Variants in HS3ST4 observed in about 807,000 individuals in gnomAD.
HS3ST4 encodes the protein heparan sulfate glucosamine 3-O-sulfotransferase 4.
A neutral mutation model predicts 29.2 loss-of-function variants in HS3ST4; 17 were observed. The observed-to-expected ratio is 0.58, with a 90% confidence interval of 0.40 to 0.87. HS3ST4 has a LOEUF of 0.87. Ranked by LOEUF, HS3ST4 falls within the 40% of genes least tolerant of loss-of-function variation. The pLI, the probability that HS3ST4 is intolerant of heterozygous loss-of-function variation, is 0.00. For synonymous variants in HS3ST4, 314 were observed against 285.7 expected (o/e 1.10, Z -1.00); for missense variants, 627 against 634.5 (o/e 0.99, Z 0.13).
intron 1 of HS3ST4, among the ~76,000 whole-genome samples, chr16:25,698,541 C>T (rs1555461712): frequency 6.6e-6 from 1 of 152,144 alleles, no homozygotes; most frequent in Non-Finnish European, 1.5e-5. Flanking sequence ...AGTTGTTTAT[C>T]TGAGGGTAAT....
chr16:25,866,260 T>C (rs188662528), intron 1 of HS3ST4, among the ~76,000 whole-genome samples: 45 of 152,360 alleles, frequency 3.0e-4, no homozygotes, highest in Non-Finnish European at 4.7e-4. Flanking sequence ...CATGTGTTAG[T>C]GTGAGTTCAC....
chr16:25,978,936 C>CTTTTT (rs1183206964), intron 1 of HS3ST4, among the ~76,000 whole-genome samples: 1 of 57,020 alleles, frequency 1.8e-5, no homozygotes, highest in Non-Finnish European at 3.5e-5. Flanking sequence ...TGTTCTTTCT[C>CTTTTT]TTTTTGTTTT....
At chr16:25,771,561 C>T (rs2141611165) in intron 1 of HS3ST4, among the ~76,000 whole-genome samples, 1 of 152,168 alleles carries the variant, frequency 6.6e-6, no homozygotes, top group African/African-American at 2.4e-5. Context: ...CTATGGGAAG[C>T]CTTCCTTATC....
At chr16:26,048,439 G>A (rs994434166) in intron 1 of HS3ST4, among the ~76,000 whole-genome samples, 13 of 152,132 alleles carry the variant, frequency 8.5e-5, no homozygotes, top group Admixed American at 1.3e-4. Context: ...CACCATTTCC[G>A]TGCATGGAAC....
chr16:25,749,511 G>A (rs944252063), intron 1 of HS3ST4, among the ~76,000 whole-genome samples: 2 of 151,886 alleles, frequency 1.3e-5, no homozygotes, highest in Non-Finnish European at 2.9e-5. Flanking sequence ...AGAAGAAGAA[G>A]AGAAAGAAGA....
intron 1 of HS3ST4, among the ~76,000 whole-genome samples, chr16:25,761,167 G>A (rs1426990845): frequency 6.6e-6 from 1 of 152,178 alleles, no homozygotes; most frequent in Non-Finnish European, 1.5e-5. Flanking sequence ...GACCCACCTG[G>A]TGGATCTGCT....
intron 1 of HS3ST4, among the ~76,000 whole-genome samples, chr16:25,949,398 A>G: frequency 6.6e-6 from 1 of 152,086 alleles, no homozygotes; most frequent in East Asian, 1.9e-4. Flanking sequence ...CCTGCTAACC[A>G]TCCTTCTACT....
intron 1 of HS3ST4, among the ~76,000 whole-genome samples, chr16:25,707,828 GA>G (rs1450528762): frequency 6.6e-6 from 1 of 152,234 alleles, no homozygotes; most frequent in African/African-American, 2.4e-5. Flanking sequence ...CTTTGCATTA[GA>G]TAATTGCATG....
Position 26,085,108 on chromosome 16 carries a change from C to T in HS3ST4, c.735-50504C>T, listed in dbSNP as rs560482543. Among the ~76,000 whole-genome samples, 53 of 152,284 alleles carry T rather than the reference C, an allele frequency of 3.5e-4. 1 individual carries two copies. The highest frequency in any genetic ancestry group is 2.1e-4 in the South Asian group (1 of 4,826). On this transcript the variant is annotated intron_variant, in intron 1 of 1. Coordinates refer to ENST00000331351, the MANE Select transcript of HS3ST4 (RefSeq NM_006040.3). The stretch of plus-strand genomic sequence containing the variant: ...TGTCTCTACTGGCCTTTTGCTCAAC[C>T]GGCTTTCTGGAGACTTTCTGGAGAG...
chr16:25,742,453 C>T lies in HS3ST4; in HGVS notation c.734+49302C>T, dbSNP rs76387855. On this transcript the variant is annotated intron_variant, in intron 1 of 1. Transcript: ENST00000331351. Reference sequence around the variant, plus strand: ...CAGGGGAATAGACTGTGGCTATCAGCCAGGTCAGAAACATGGGAACCTTGG... The same window carrying T: ...CAGGGGAATAGACTGTGGCTATCAGTCAGGTCAGAAACATGGGAACCTTGG... Among the ~76,000 whole-genome samples, 140 of 152,258 alleles carry T rather than the reference C, an allele frequency of 9.2e-4. 2 individuals are homozygous for T. In the East Asian group the frequency reaches 0.019, roughly 20 times the overall value.
chr16:26,076,431 G>C (rs1018674678), intron 1 of HS3ST4, among the ~76,000 whole-genome samples: 1 of 152,158 alleles, frequency 6.6e-6, no homozygotes, highest in Non-Finnish European at 1.5e-5. Flanking sequence ...AGTGTCTTAG[G>C]CTCATTATTA....
At chr16:25,740,159 G>A (rs1009459040) in intron 1 of HS3ST4, among the ~76,000 whole-genome samples, 5 of 152,190 alleles carry the variant, frequency 3.3e-5, no homozygotes, top group South Asian at 2.1e-4. Flanking sequence ...CTACTGCATC[G>A]TTCTAGGATT....
chr16:25,913,140 G>C (rs781347835), intron 1 of HS3ST4, among the ~76,000 whole-genome samples: 6 of 152,220 alleles, frequency 3.9e-5, no homozygotes, highest in Non-Finnish European at 7.3e-5. Context: ...ATTCTGATGG[G>C]GTTGGTCCAG....
intron 1 of HS3ST4, among the ~76,000 whole-genome samples, chr16:25,723,972 G>A (rs1427633312): frequency 6.6e-6 from 1 of 152,056 alleles, no homozygotes; most frequent in African/African-American, 2.4e-5. Flanking sequence ...AAATTAGCTG[G>A]GTGTGTCGGC....
At chr16:25,738,336 A>G (rs1000425385) in intron 1 of HS3ST4, among the ~76,000 whole-genome samples, 3 of 152,078 alleles carry the variant, frequency 2.0e-5, no homozygotes, top group Non-Finnish European at 2.9e-5. Flanking sequence ...CTCTTTCCCC[A>G]TCACTCCTTA....
intron 1 of HS3ST4, among the ~76,000 whole-genome samples, chr16:26,056,054 G>C (rs868186878): frequency 1.3e-5 from 2 of 149,916 alleles, no homozygotes; most frequent in Admixed American, 6.6e-5. Flanking sequence ...GAGAGAGAGA[G>C]AGAGAGAGAG....
chr16:25,885,958 G>A (rs1259441785), intron 1 of HS3ST4, among the ~76,000 whole-genome samples: 1 of 149,350 alleles, frequency 6.7e-6, no homozygotes, highest in Non-Finnish European at 1.5e-5. Context: ...ATAGAAATTA[G>A]ACTTTCTCTT....
intron 1 of HS3ST4, among the ~76,000 whole-genome samples, chr16:25,960,290 T>C (rs1425213741): frequency 6.6e-6 from 1 of 152,216 alleles, no homozygotes; most frequent in Non-Finnish European, 1.5e-5. Flanking sequence ...TTGTACAGTC[T>C]GCAGAACTGT....
chr16:25,779,604 G>A (rs894078878), intron 1 of HS3ST4, among the ~76,000 whole-genome samples: 1 of 152,212 alleles, frequency 6.6e-6, no homozygotes, highest in Non-Finnish European at 1.5e-5. Flanking sequence ...CCTTGTAGGA[G>A]AAAACATTTC....
Sources: allele counts gnomAD v4.1 joint callset (sites outside exome capture counted in the v4.1 genomes callset), GRCh38; gene constraint gnomAD v4.1.1; transcripts MANE v1.5; gene names NCBI Gene and HGNC (gene_info 2026-07-23, HGNC 2026-07-21).